EMSY: variants seen among roughly 807,000 people sequenced by gnomAD.
EMSY encodes BRCA2-interacting transcriptional repressor EMSY.
Under a neutral mutation model 134.6 loss-of-function variants are expected in EMSY, and 26 were observed. That is an observed-to-expected ratio of 0.19 (90% CI 0.14 to 0.27). The LOEUF (loss-of-function observed/expected upper bound fraction) is 0.27. Ranked by LOEUF, EMSY falls within the 10% of genes least tolerant of loss-of-function variation. The pLI is 1.00. For missense variants in EMSY, 1,305 were observed against 1,611.4 expected (o/e 0.81, Z 3.26); for synonymous variants, 579 against 577.8 (o/e 1.00, Z -0.03).
chr11:76,524,241 G>A (rs1246521166), intron 12 of EMSY, among the ~76,000 whole-genome samples: 2 of 152,088 alleles, frequency 1.3e-5, no homozygotes, highest in African/African-American at 4.8e-5. Flanking sequence ...TTACCAGTGA[G>A]GTTGTTTAGT....
intron 8 of EMSY, among the ~76,000 whole-genome samples, chr11:76,494,881 GC>G (rs1413395270): frequency 2.0e-5 from 3 of 152,084 alleles, no homozygotes; most frequent in African/African-American, 7.2e-5. Context: ...GATTACAGGT[GC>G]CTGCCACCGT....
intron 9 of EMSY, among the ~76,000 whole-genome samples, chr11:76,503,505 A>G (rs532518716): frequency 3.9e-5 from 6 of 152,266 alleles, no homozygotes; most frequent in East Asian, 3.9e-4. Context: ...AGATCATTCA[A>G]TGGGGGAAAA....
At chr11:76,467,530 C>CT (rs1565286224) in intron 7 of EMSY, among the ~76,000 whole-genome samples, 1 of 152,156 alleles carries the variant, frequency 6.6e-6, no homozygotes, top group African/African-American at 2.4e-5. Context: ...AGGGTAGAGA[C>CT]TTTGTCTTAT....
At chr11:76,548,219 T>C (rs1386377768) in intron 20 of EMSY, among the ~76,000 whole-genome samples, 1 of 152,214 alleles carries the variant, frequency 6.6e-6, no homozygotes, top group Non-Finnish European at 1.5e-5. Flanking sequence ...CAGGTCTTAT[T>C]AGTTATGTTT....
At chr11:76,542,891 C>A (rs79382459) in intron 18 of EMSY, among the ~76,000 whole-genome samples, 19 of 151,480 alleles carry the variant, frequency 1.3e-4, no homozygotes, top group Admixed American at 5.9e-4. Flanking sequence ...GAATATAAAT[C>A]TAATGTAAAA....
At chr11:76,471,525 C>T (rs1031075405) in intron 7 of EMSY, among the ~76,000 whole-genome samples, 3 of 152,198 alleles carry the variant, frequency 2.0e-5, no homozygotes, top group African/African-American at 7.2e-5. Context: ...TCTTTAGGCT[C>T]CTACTGATTC....
intron 7 of EMSY, among the ~76,000 whole-genome samples, chr11:76,468,729 A>G (rs1298927409): frequency 2.6e-5 from 4 of 152,308 alleles, no homozygotes; most frequent in African/African-American, 9.6e-5. Flanking sequence ...ACACATTTCC[A>G]CCTGTGTTAA....
At chr11:76,544,572 A>C (rs1650616515) in exon 19 of EMSY, 1 of 1,614,136 alleles carries the variant, frequency 6.2e-7, no homozygotes, top group East Asian at 2.2e-5. Flanking sequence ...ACCCCTCTCC[A>C]GCAAGAACAA....
chr11:76,473,149 T>C (rs1230122521), intron 8 of EMSY, among the ~76,000 whole-genome samples: 1 of 152,158 alleles, frequency 6.6e-6, no homozygotes, highest in South Asian at 2.1e-4. Context: ...TATAATGAAA[T>C]TTTTAAATGA....
At chr11:76,446,369 A>T (rs1344115214) in intron 1 of EMSY, among the ~76,000 whole-genome samples, 2 of 149,022 alleles carry the variant, frequency 1.3e-5, no homozygotes, top group Admixed American at 1.3e-4. Context: ...ATATGTATGT[A>T]TCGTTCCAAT....
chr11:76,536,937 G>A (rs1465493021), intron 15 of EMSY, among the ~76,000 whole-genome samples: 1 of 152,130 alleles, frequency 6.6e-6, no homozygotes, highest in Non-Finnish European at 1.5e-5. Flanking sequence ...GTCAGGTTAT[G>A]TACTCAGTGG....
At chr11:76,520,704 G>A (rs1420287090) in intron 11 of EMSY, among the ~76,000 whole-genome samples, 1 of 152,066 alleles carries the variant, frequency 6.6e-6, no homozygotes, top group Non-Finnish European at 1.5e-5. Context: ...GACATTTTTT[G>A]TAGCAGTGTT....
chr11:76,542,238 A>G, exon 18 of EMSY: 1 of 1,614,146 alleles, frequency 6.2e-7, no homozygotes, highest in Non-Finnish European at 8.5e-7. Flanking sequence ...CCCAGCCCCA[A>G]CAGCCTTCCC....
rs751278697 is a variant in EMSY at position 76,496,593 on chromosome 11, T to G, written c.1363+124T>G. On this transcript the variant is annotated intron_variant, in intron 9 of 20. Transcript: ENST00000334736. ...AGGTCTTTGACTTTTTCATCAGTGTTTTACAGCTTTCAGCATATAGATTCT... is the reference window on the plus strand; with the variant it reads ...AGGTCTTTGACTTTTTCATCAGTGTGTTACAGCTTTCAGCATATAGATTCT... 5 of 1,056,302 alleles carry G rather than the reference T, an allele frequency of 4.7e-6. No homozygotes were observed. In the Admixed American group the frequency reaches 9.4e-5, roughly 20 times the overall value. 65.4% of individuals were successfully genotyped at this position (1,056,302 alleles called of 1,614,324 possible).
intron 9 of EMSY, among the ~76,000 whole-genome samples, chr11:76,505,085 T>C (rs1565326006): frequency 6.6e-6 from 1 of 152,184 alleles, no homozygotes; most frequent in Non-Finnish European, 1.5e-5. Flanking sequence ...TCAATTGTTA[T>C]GATGGCTGAA....
intron 14 of EMSY, among the ~76,000 whole-genome samples, chr11:76,535,595 T>C (rs757367973): frequency 3.9e-5 from 6 of 152,188 alleles, no homozygotes; most frequent in Non-Finnish European, 7.4e-5. Flanking sequence ...CCAGACTATG[T>C]GCTTCTTGAG....
At chr11:76,468,009 C>G (rs1354915739) in intron 7 of EMSY, among the ~76,000 whole-genome samples, 1 of 149,740 alleles carries the variant, frequency 6.7e-6, no homozygotes, top group Non-Finnish European at 1.5e-5. Context: ...AAAAACTTAA[C>G]GTAGTACATA....
intron 17 of EMSY, 115 bp from the exon 19 acceptor site, chr11:76,542,101 C>T (rs941621510): frequency 1.5e-6 from 2 of 1,362,868 alleles, no homozygotes; most frequent in African/African-American, 2.9e-5. Flanking sequence ...TCCTAGTTCA[C>T]AATACTACAC....
chr11:76,503,300 C>CAA (rs61098325), intron 9 of EMSY, among the ~76,000 whole-genome samples: 2,737 of 69,900 alleles, frequency 0.039, 143 homozygotes, highest in African/African-American at 0.063. Context: ...GGCGTGGTCT[C>CAA]AAAAAAAAAA....
Sources: gnomAD v4.1 joint callset for allele counts (sites outside exome capture counted in the v4.1 genomes callset) on GRCh38, gnomAD v4.1.1 for gene constraint, MANE v1.5 for transcripts, NCBI Gene and HGNC (gene_info 2026-07-23, HGNC 2026-07-21) for gene names.